KCNT2: variants seen among roughly 807,000 people sequenced by gnomAD.
The protein encoded by KCNT2 is potassium sodium-activated channel subfamily T member 2.
KCNT2 carries 67 observed loss-of-function variants against 153.8 expected under a neutral mutation model. The ratio of observed to expected loss-of-function variants is 0.44; its 90% confidence interval spans 0.36 to 0.53. KCNT2 has a LOEUF of 0.53. Ranked by LOEUF, KCNT2 falls within the 20% of genes least tolerant of loss-of-function variation. KCNT2 has a pLI of 0.00. For missense variants in KCNT2, 975 were observed against 1,354.8 expected, an observed-to-expected ratio of 0.72 and a Z score of 4.40; for synonymous variants, 500 against 458.8, an observed-to-expected ratio of 1.09 and a Z score of -1.15.
intron 17 of KCNT2, among the ~76,000 whole-genome samples, chr1:196,332,607 C>G (rs1664570793): frequency 1.3e-5 from 2 of 152,086 alleles, no homozygotes; most frequent in Non-Finnish European, 2.9e-5. Flanking sequence ...AGAGATTATG[C>G]TGCCAATGCC....
At chr1:196,234,829 T>A (rs568247070) in intron 27 of KCNT2, among the ~76,000 whole-genome samples, 1 of 151,524 alleles carries the variant, frequency 6.6e-6, no homozygotes, top group South Asian at 2.1e-4. Context: ...ATCCTATGGA[T>A]CTAATATCCA....
At chr1:196,447,081 T>C (rs78619611) in intron 8 of KCNT2, among the ~76,000 whole-genome samples, 4,564 of 151,672 alleles carry the variant, frequency 0.03, 215 homozygotes, top group African/African-American at 0.1. Context: ...AAATCACTGT[T>C]TCACTGTTTC....
At chr1:196,402,507 A>G (rs2148453740) in intron 12 of KCNT2, among the ~76,000 whole-genome samples, 1 of 151,318 alleles carries the variant, frequency 6.6e-6, no homozygotes, top group Middle Eastern at 3.4e-3. Context: ...TCCCTACAGC[A>G]CTCACAAAAA....
chr1:196,546,064 C>T (rs549969143), intron 1 of KCNT2, among the ~76,000 whole-genome samples: 1 of 152,050 alleles, frequency 6.6e-6, no homozygotes, highest in Non-Finnish European at 1.5e-5. Context: ...TATAGTAAAT[C>T]TATGTATAAC....
intron 8 of KCNT2, among the ~76,000 whole-genome samples, chr1:196,457,244 AAAT>A (rs1017401194): frequency 4.6e-5 from 7 of 151,694 alleles, no homozygotes; most frequent in Non-Finnish European, 7.4e-5. Context: ...ACTAAAAATT[AAAT>A]AATAATAATA....
Position 196,492,272 on chromosome 1 carries a change from G to T in KCNT2, c.165C>A (p.Asn55Lys). Residue 55 changes from asparagine to lysine, a missense_variant, in exon 2 of 28, where the codon AAC (asparagine) becomes AAA (lysine). By Grantham distance (94) the Asn-to-Lys change is moderately conservative. Coordinates refer to ENST00000294725, the MANE Select transcript of KCNT2 (RefSeq NM_198503.5). Reference sequence around the variant, plus strand: ...AAATGAATAACTTACTTGATCTCTGGTTTTTTATGAAAAATAATTTTAGTC... The same window carrying T: ...AAATGAATAACTTACTTGATCTCTGTTTTTTTATGAAAAATAATTTTAGTC... Reference protein sequence around the residue: ...KERLKLFFIKNQRSSLRIRLF... With the variant: ...KERLKLFFIKKQRSSLRIRLF... 1 of 1,421,384 alleles carries T rather than the reference G, an allele frequency of 7.0e-7. No homozygotes were observed. Among genetic ancestry groups the T allele is most frequent in the Non-Finnish European group, 9.4e-7 (1 of 1,065,406 alleles). The allele number at this position is 1,421,384 out of a possible 1,614,324, so 88.0% of individuals were successfully genotyped here. A position where few individuals can be genotyped will look rare whatever the true frequency, so the allele number is the denominator to read the frequency against.
chr1:196,392,197 T>A (rs566004659), intron 13 of KCNT2, among the ~76,000 whole-genome samples: 17 of 151,444 alleles, frequency 1.1e-4, no homozygotes, highest in South Asian at 2.1e-4. Flanking sequence ...TGGTTTTTTT[T>A]AATTGTGTAA....
intron 1 of KCNT2, among the ~76,000 whole-genome samples, chr1:196,527,187 T>C (rs1272137748): frequency 6.6e-6 from 1 of 152,188 alleles, no homozygotes; most frequent in Non-Finnish European, 1.5e-5. Context: ...ACCACTGTTC[T>C]ATAGGATATC....
chr1:196,584,934 G>C (rs963220324), intron 1 of KCNT2, among the ~76,000 whole-genome samples: 2 of 152,004 alleles, frequency 1.3e-5, no homozygotes, highest in Non-Finnish European at 2.9e-5. Flanking sequence ...GATGAACTCC[G>C]AATGGAGAGG....
At chr1:196,431,454 T>A (rs915843561) in intron 8 of KCNT2, among the ~76,000 whole-genome samples, 2 of 152,100 alleles carry the variant, frequency 1.3e-5, no homozygotes, top group African/African-American at 4.8e-5. Context: ...TCTTATAGAT[T>A]ATTTAAACAG....
At chr1:196,579,682 G>A (rs1175004814) in intron 1 of KCNT2, among the ~76,000 whole-genome samples, 2 of 151,838 alleles carry the variant, frequency 1.3e-5, no homozygotes, top group African/African-American at 4.8e-5. Flanking sequence ...TAGTAGAGAA[G>A]GGGTTTCAAC....
At chr1:196,534,538 G>A (rs1655317071) in intron 1 of KCNT2, among the ~76,000 whole-genome samples, 1 of 152,074 alleles carries the variant, frequency 6.6e-6, no homozygotes. Flanking sequence ...AAAACAGGAA[G>A]TCCAAGAAAG....
intron 1 of KCNT2, among the ~76,000 whole-genome samples, chr1:196,561,940 C>A (rs1444380229): frequency 6.6e-6 from 1 of 151,758 alleles, no homozygotes; most frequent in African/African-American, 2.4e-5. Context: ...TATCTAAAGA[C>A]CTGGAATTCA....
chr1:196,331,895 T>C (rs1256126731), intron 17 of KCNT2, among the ~76,000 whole-genome samples: 2 of 152,116 alleles, frequency 1.3e-5, no homozygotes, highest in Non-Finnish European at 1.5e-5. Context: ...GTAATCATAC[T>C]TAAAACATTA....
intron 13 of KCNT2, among the ~76,000 whole-genome samples, chr1:196,395,143 T>C (rs1158087167): frequency 6.6e-6 from 1 of 151,520 alleles, no homozygotes; most frequent in Non-Finnish European, 1.5e-5. Flanking sequence ...TTTATAAATA[T>C]ATTACTCGGT....
At chr1:196,504,234 C>T (rs558703168) in intron 1 of KCNT2, among the ~76,000 whole-genome samples, 1 of 140,148 alleles carries the variant, frequency 7.1e-6, no homozygotes, top group South Asian at 2.6e-4. Context: ...TCCCTCCCCC[C>T]TCCCCCCATC....
intron 22 of KCNT2, among the ~76,000 whole-genome samples, chr1:196,295,726 T>C (rs1386261652): frequency 2.0e-5 from 3 of 151,986 alleles, no homozygotes; most frequent in Non-Finnish European, 2.9e-5. Context: ...CAAACCATCA[T>C]TCAAGATATT....
intron 1 of KCNT2, among the ~76,000 whole-genome samples, chr1:196,583,494 C>T (rs1345647832): frequency 6.6e-6 from 1 of 151,902 alleles, no homozygotes; most frequent in African/African-American, 2.4e-5. Flanking sequence ...AAATCATCAA[C>T]ATATAATTAC....
At chr1:196,365,702 A>C (rs1390783978) in intron 14 of KCNT2, among the ~76,000 whole-genome samples, 1 of 152,220 alleles carries the variant, frequency 6.6e-6, no homozygotes, top group African/African-American at 2.4e-5. Flanking sequence ...TCTGATTTAG[A>C]TATAAAATAC....
Sources: allele counts gnomAD v4.1 joint callset (sites outside exome capture counted in the v4.1 genomes callset), GRCh38; gene constraint gnomAD v4.1.1; transcripts MANE v1.5; gene names NCBI Gene and HGNC (gene_info 2026-07-23, HGNC 2026-07-21).